CCDC7: variants seen among roughly 807,000 people sequenced by gnomAD.
The protein encoded by CCDC7 is coiled-coil domain containing 7.
Under a neutral mutation model 196.9 loss-of-function variants are expected in CCDC7, and 183 were observed. The ratio of observed to expected loss-of-function variants is 0.93; its 90% CI spans 0.82 to 1.05. The LOEUF (loss-of-function observed/expected upper bound fraction) is 1.05. CCDC7 is among the 50% of genes least tolerant of loss of function. The pLI, the probability that CCDC7 is intolerant of heterozygous loss-of-function variation, is 0.00. For synonymous variants in CCDC7, 525 were observed against 484.6 expected, an observed-to-expected ratio of 1.08 and a Z score of -1.10; for missense variants, 1,540 against 1,482.2, an observed-to-expected ratio of 1.04 and a Z score of -0.64.
chr10:32,880,866 G>C (rs534885067), downstream of CCDC7, among the ~76,000 whole-genome samples: 1 of 152,210 alleles, frequency 6.6e-6, no homozygotes, highest in South Asian at 2.1e-4. Context: ...TCTTAGTTCT[G>C]AGCTCTCTAT....
chr10:32,634,043 A>T (rs1431153475), intron 18 of CCDC7, among the ~76,000 whole-genome samples: 1 of 151,962 alleles, frequency 6.6e-6, no homozygotes, highest in Non-Finnish European at 1.5e-5. Context: ...CTGCCTACTT[A>T]ACATTATGCC....
At chr10:32,543,153 A>G in intron 11 of CCDC7, 147 bp from the exon 13 acceptor site, 2 of 771,304 alleles carry the variant, frequency 2.6e-6, no homozygotes, top group Non-Finnish European at 3.6e-6. Flanking sequence ...GTGTCATTTT[A>G]TTTTGCTTCT....
chr10:32,514,184 G>GATA (rs1208513275), intron 9 of CCDC7: 5 of 152,116 alleles, frequency 3.3e-5, no homozygotes, highest in African/African-American at 1.2e-4. Context: ...CTATACACTA[G>GATA]CTGTTATGGG....
chr10:32,844,833 T>C (rs1050794028), intron 33 of CCDC7, among the ~76,000 whole-genome samples: 1 of 151,808 alleles, frequency 6.6e-6, no homozygotes, highest in African/African-American at 2.4e-5. Flanking sequence ...ATAAGACATG[T>C]TGTGACTCTT....
chr10:32,556,364 G>A (rs1490893832), intron 13 of CCDC7, among the ~76,000 whole-genome samples: 1 of 152,134 alleles, frequency 6.6e-6, no homozygotes, highest in African/African-American at 2.4e-5. Flanking sequence ...GATGGTTCCA[G>A]CAAGTACAGT....
At chr10:32,771,276 T>G (rs1046576195) in intron 28 of CCDC7, among the ~76,000 whole-genome samples, 4 of 152,216 alleles carry the variant, frequency 2.6e-5, no homozygotes, top group Admixed American at 6.5e-5. Context: ...AGTGACAAAT[T>G]TCCTCAGCAT....
chr10:32,580,364 C>G (rs1260719200), intron 16 of CCDC7, among the ~76,000 whole-genome samples: 2 of 152,062 alleles, frequency 1.3e-5, no homozygotes, highest in Non-Finnish European at 2.9e-5. Context: ...TTTCCAGGCT[C>G]TTAGTCATCT....
intron 28 of CCDC7, among the ~76,000 whole-genome samples, chr10:32,766,850 C>T (rs1393437467): frequency 6.6e-6 from 1 of 152,068 alleles, no homozygotes; most frequent in African/African-American, 2.4e-5. Context: ...CTTCTCTCTC[C>T]CAGCCTACTC....
At chr10:32,652,781 A>G (rs1335063) in intron 20 of CCDC7, among the ~76,000 whole-genome samples, 52,246 of 151,942 alleles carry the variant, frequency 0.34, 11,418 homozygotes, top group Non-Finnish European at 0.5. Flanking sequence ...TTTTCTAGTT[A>G]TTATTTTTTA....
At chr10:32,459,351 T>A (rs979942376) in intron 3 of CCDC7, among the ~76,000 whole-genome samples, 1 of 152,106 alleles carries the variant, frequency 6.6e-6, no homozygotes, top group Non-Finnish European at 1.5e-5. Context: ...TGGGAACCTC[T>A]AGAGAGCTCA....
intron 18 of CCDC7, among the ~76,000 whole-genome samples, chr10:32,606,938 G>A (rs1375866257): frequency 1.3e-5 from 2 of 152,180 alleles, no homozygotes; most frequent in Admixed American, 6.5e-5. Flanking sequence ...GGAGCCAGAT[G>A]CAGAATGATA....
At chr10:32,550,848 T>G (rs1208737279) in intron 13 of CCDC7, among the ~76,000 whole-genome samples, 2 of 152,118 alleles carry the variant, frequency 1.3e-5, no homozygotes, top group Non-Finnish European at 2.9e-5. Flanking sequence ...GGGATATTGG[T>G]CTGTAGTTTT....
chr10:32,845,282 G>A (rs892168442), exon 34 of CCDC7: 34 of 1,575,864 alleles, frequency 2.2e-5, no homozygotes, highest in Admixed American at 3.7e-5. Context: ...ACTGGAAGAG[G>A]TATAATAAAG....
intron 18 of CCDC7, among the ~76,000 whole-genome samples, chr10:32,607,428 C>T (rs1462835379): frequency 6.6e-6 from 1 of 152,120 alleles, no homozygotes; most frequent in East Asian, 1.9e-4. Context: ...GAAAAGGTTT[C>T]GACTTTTCCC....
chr10:32,818,384 T>C (rs543224109), intron 31 of CCDC7, among the ~76,000 whole-genome samples: 1 of 152,074 alleles, frequency 6.6e-6, no homozygotes, highest in Non-Finnish European at 1.5e-5. Flanking sequence ...CACACAATAA[T>C]AATGGGAGAC....
intron 41 of CCDC7, among the ~76,000 whole-genome samples, chr10:32,856,835 A>G (rs1189401412): frequency 6.6e-6 from 1 of 152,106 alleles, no homozygotes; most frequent in Non-Finnish European, 1.5e-5. Flanking sequence ...AACATGCCTG[A>G]TCCTGGGCCT....
At chr10:32,882,356 G>A (rs1241285361) in intron 22 of CCDC7, among the ~76,000 whole-genome samples, 1 of 152,296 alleles carries the variant, frequency 6.6e-6, no homozygotes, top group East Asian at 1.9e-4. Context: ...TCAAGCATGA[G>A]AGATTCTCGC....
chr10:32,606,137 C>G (rs1445704934), intron 18 of CCDC7, among the ~76,000 whole-genome samples: 1 of 152,212 alleles, frequency 6.6e-6, no homozygotes, highest in Non-Finnish European at 1.5e-5. Context: ...CCAGATACAG[C>G]TCAGGCCACT....
chr10:32,522,642 GTTTTC>G (rs764509362), intron 11 of CCDC7, among the ~76,000 whole-genome samples: 3 of 151,542 alleles, frequency 2.0e-5, no homozygotes, highest in Admixed American at 1.3e-4. Context: ...CTTTTGTATT[GTTTTC>G]TTCATCAGAA....
Sources: allele counts gnomAD v4.1 joint callset (sites outside exome capture counted in the v4.1 genomes callset), GRCh38; gene constraint gnomAD v4.1.1; transcripts MANE v1.5; gene names NCBI Gene and HGNC (gene_info 2026-07-23, HGNC 2026-07-21).